OPCML: variants seen among roughly 807,000 people sequenced by gnomAD.
The protein encoded by OPCML is opioid binding protein/cell adhesion molecule like.
Under a neutral mutation model 37.8 loss-of-function variants are expected in OPCML, and 13 were observed. The ratio of observed to expected loss-of-function variants is 0.34; its 90% CI spans 0.22 to 0.55. OPCML has a LOEUF of 0.55. Among genes scored for constraint, OPCML ranks in the 20% least tolerant of loss-of-function variants. OPCML has a pLI of 0.91. For missense variants in OPCML, 341 were observed against 435.6 expected, an observed-to-expected ratio of 0.78 and a Z score of 1.93; for synonymous variants, 176 against 168.8, an observed-to-expected ratio of 1.04 and a Z score of -0.33.
chr11:132,580,482 T>C (rs1399767700), intron 3 of OPCML, among the ~76,000 whole-genome samples: 2 of 152,150 alleles, frequency 1.3e-5, no homozygotes, highest in African/African-American at 4.8e-5. Context: ...AAGAAAGAGA[T>C]TATGCAGGGT....
chr11:132,607,079 G>A (rs780334958), intron 3 of OPCML, among the ~76,000 whole-genome samples: 4 of 152,196 alleles, frequency 2.6e-5, no homozygotes, highest in Admixed American at 6.5e-5. Context: ...TTAAGTAAGC[G>A]AGTGAAGTTA....
intron 2 of OPCML, among the ~76,000 whole-genome samples, chr11:132,810,378 C>A (rs905744766): frequency 4.6e-5 from 7 of 152,184 alleles, no homozygotes; most frequent in African/African-American, 1.7e-4. Context: ...GTGATGGAAA[C>A]TTCCAAGCAC....
intron 1 of OPCML, among the ~76,000 whole-genome samples, chr11:133,495,384 C>T (rs1488978448): frequency 6.6e-6 from 1 of 152,086 alleles, no homozygotes; most frequent in Non-Finnish European, 1.5e-5. Flanking sequence ...GTATATTATT[C>T]GAATAATGAC....
intron 1 of OPCML, chr11:133,422,591 A>G (rs1303610708): frequency 1.5e-5 from 14 of 956,778 alleles, no homozygotes; most frequent in South Asian, 4.8e-5. Flanking sequence ...TCCTGGGCTC[A>G]AGCAATCCTG....
chr11:133,159,312 G>A lies in OPCML; in HGVS notation c.62-216302C>T, dbSNP rs568041850. 4.6e-5 allele frequency among the ~76,000 whole-genome samples: 7 copies of A among 152,244 alleles called. No homozygotes were observed. The East Asian group carries it at 1.2e-3, about 25-fold the overall frequency. The stretch of plus-strand genomic sequence containing the variant: ...GAGAGGTCAGAGGTCCCTGGGGCAC[G>A]ATGTATGCCTCAGTCAGGACAGGTT... On this transcript the variant is annotated intron_variant, in intron 1 of 7. Coordinates refer to ENST00000524381, the MANE Select transcript of OPCML (RefSeq NM_001012393.5).
chr11:133,184,275 G>C (rs1047617166), intron 1 of OPCML, among the ~76,000 whole-genome samples: 9 of 152,158 alleles, frequency 5.9e-5, no homozygotes, highest in African/African-American at 2.2e-4. Flanking sequence ...TGGGAAAAAA[G>C]GTAACTGCTG....
At chr11:133,113,611 T>G (rs4405324) in intron 1 of OPCML, among the ~76,000 whole-genome samples, 102,170 of 152,124 alleles carry the variant, frequency 0.67, 34,416 homozygotes, top group East Asian at 0.8. Flanking sequence ...CAAGGAACTT[T>G]GACCAAAGCT....
intron 1 of OPCML, among the ~76,000 whole-genome samples, chr11:133,294,721 C>A (rs183237966): frequency 9.6e-4 from 144 of 149,388 alleles, no homozygotes; most frequent in Middle Eastern, 7.2e-3. Flanking sequence ...GATGCCACAC[C>A]AAAAAGGGTA....
In OPCML at chr11:133,479,964, G is replaced by A. The variant is rs556307906; in HGVS notation, c.61+52300C>T. On this transcript the variant is annotated intron_variant, in intron 1 of 7. Coordinates refer to ENST00000524381, the MANE Select transcript of OPCML (RefSeq NM_001012393.5). The stretch of plus-strand genomic sequence containing the variant: ...TGAGCACCACCCAAGGAGCCAGCCC[G>A]GGAGGCTTGTCACCTCAAAATCAAG... Among the ~76,000 whole-genome samples the A allele has an allele frequency of 2.5e-3, 385 of 152,260 alleles. 3 individuals are homozygous for A. The highest frequency in any genetic ancestry group is 4.6e-3 in the Non-Finnish European group (310 of 68,020).
At chr11:132,703,416 C>G (rs905104791) in intron 2 of OPCML, among the ~76,000 whole-genome samples, 3 of 152,154 alleles carry the variant, frequency 2.0e-5, no homozygotes, top group Admixed American at 6.5e-5. Context: ...TATGACTATA[C>G]TGGTACTTTA....
intron 3 of OPCML, among the ~76,000 whole-genome samples, chr11:132,545,223 A>G (rs1440282914): frequency 6.6e-6 from 1 of 152,152 alleles, no homozygotes; most frequent in East Asian, 1.9e-4. Context: ...CTACACTTGA[A>G]CATGATTATG....
At chr11:132,701,369 G>A (rs1012478083) in intron 2 of OPCML, among the ~76,000 whole-genome samples, 3 of 152,188 alleles carry the variant, frequency 2.0e-5, no homozygotes. Flanking sequence ...AGATTTCAGT[G>A]TAGAGGCACA....
chr11:132,503,834 A>G (rs1208685934), intron 4 of OPCML, among the ~76,000 whole-genome samples: 1 of 152,194 alleles, frequency 6.6e-6, no homozygotes, highest in African/African-American at 2.4e-5. Context: ...ATCTTTATTT[A>G]AAATAGATAT....
chr11:133,244,805 A>G (rs1940862585), intron 1 of OPCML, among the ~76,000 whole-genome samples: 1 of 152,122 alleles, frequency 6.6e-6, no homozygotes, highest in Non-Finnish European at 1.5e-5. Flanking sequence ...TGCCTCCTGT[A>G]CAGCTGTTGA....
chr11:132,930,550 A>G (rs1204017721), intron 2 of OPCML, among the ~76,000 whole-genome samples: 1 of 152,162 alleles, frequency 6.6e-6, no homozygotes, highest in Admixed American at 6.5e-5. Context: ...AAAAAAATCA[A>G]TTGCATTTCT....
At chr11:132,797,527 T>C (rs1445057314) in intron 2 of OPCML, among the ~76,000 whole-genome samples, 4 of 152,220 alleles carry the variant, frequency 2.6e-5, no homozygotes, top group Non-Finnish European at 5.9e-5. Flanking sequence ...AGTTTCACTA[T>C]AAAGCGAGTC....
intron 1 of OPCML, among the ~76,000 whole-genome samples, chr11:133,240,264 C>T (rs982803010): frequency 4.0e-5 from 6 of 150,984 alleles, no homozygotes; most frequent in Admixed American, 6.6e-5. Flanking sequence ...GACTTCCCTG[C>T]CATCTGTCTC....
Position 133,174,321 on chromosome 11 carries a change from C to T in OPCML, c.62-231311G>A, listed in dbSNP as rs1950334747. Among the ~76,000 whole-genome samples the T allele has an allele frequency of 6.6e-6, 1 of 152,114 alleles. No homozygotes were observed. The highest frequency in any genetic ancestry group is 2.4e-5 in the African/African-American group (1 of 41,426). ...AGAGAGGACAGGGGCCTCGCATGAACCTAGGTTCCAGGTCAGATGAAATGG... is the reference window on the plus strand; with the variant it reads ...AGAGAGGACAGGGGCCTCGCATGAATCTAGGTTCCAGGTCAGATGAAATGG... On this transcript the variant is annotated intron_variant, in intron 1 of 7. Transcript: ENST00000524381. This position sits in a 1 kb window ranked among gnomAD's most constrained non-coding sequence, Gnocchi z 4.6.
chr11:132,684,354 G>A (rs986553007), intron 2 of OPCML, among the ~76,000 whole-genome samples: 7 of 152,212 alleles, frequency 4.6e-5, no homozygotes, highest in African/African-American at 1.7e-4. Flanking sequence ...AAGGTCGTGT[G>A]TCCCAGCAAA....
Sources: gnomAD v4.1 joint callset for allele counts (sites outside exome capture counted in the v4.1 genomes callset) on GRCh38, gnomAD v4.1.1 for gene constraint, Gnocchi (gnomAD v3.1) non-coding constraint, MANE v1.5 for transcripts, NCBI Gene and HGNC (gene_info 2026-07-23, HGNC 2026-07-21) for gene names.